Variants in RRBP1 observed in about 807,000 individuals in gnomAD.
The protein encoded by RRBP1 is ribosome-binding protein 1.
Under a neutral mutation model 165.2 loss-of-function variants are expected in RRBP1, and 94 were observed. That is an observed-to-expected ratio of 0.57 (90% CI 0.48 to 0.68). RRBP1 has a LOEUF of 0.68. Ranked by LOEUF, RRBP1 falls within the 30% of genes least tolerant of loss-of-function variation. RRBP1 has a pLI of 0.00. For synonymous variants in RRBP1, 680 were observed against 714.5 expected (o/e 0.95, Z 0.77); for missense variants, 1,676 against 1,763.0 (o/e 0.95, Z 0.88).
intron 3 of RRBP1, among the ~76,000 whole-genome samples, chr20:17,650,404 T>C (rs1386152527): frequency 6.6e-6 from 1 of 152,142 alleles, no homozygotes; most frequent in Non-Finnish European, 1.5e-5. Flanking sequence ...AAAACTGGCT[T>C]GCATCAGCAG....
intron 2 of RRBP1, among the ~76,000 whole-genome samples, chr20:17,677,263 T>G (rs984135018): frequency 2.0e-5 from 3 of 152,134 alleles, no homozygotes; most frequent in African/African-American, 7.2e-5. Flanking sequence ...TTGCCCAGGA[T>G]AGAGAATTAA....
In RRBP1 at chr20:17,643,802, G is replaced by A. The variant is rs1600753452; in HGVS notation, c.1913-675C>T. Among the ~76,000 whole-genome samples the A allele has an allele frequency of 6.6e-6, 1 of 152,218 alleles. No homozygotes were observed. Among genetic ancestry groups the A allele is most frequent in the East Asian group, 1.9e-4 (1 of 5,194 alleles). On this transcript the variant is annotated intron_variant, in intron 3 of 24. Transcript: ENST00000377813. The surrounding 1 kb of genome is among the most constrained non-coding windows in gnomAD (Gnocchi z 4.3). The stretch of plus-strand genomic sequence containing the variant: ...GCCAGTCCATGAGTGACTGCCTGGA[G>A]GACAGGGAGCCATCTGCCAACAAAC...
intron 2 of RRBP1, among the ~76,000 whole-genome samples, chr20:17,662,848 G>A (rs1192697237): frequency 6.6e-6 from 1 of 152,012 alleles, no homozygotes; most frequent in African/African-American, 2.4e-5. Context: ...TCAGAACTCT[G>A]CCAAAATGGA....
Position 17,660,084 on chromosome 20 carries a change from T to C in RRBP1, c.424A>G (p.Lys142Glu), listed in dbSNP as rs542903674. 87 of 1,613,722 alleles carry C rather than the reference T, an allele frequency of 5.4e-5. No individual in the cohort carries two copies. Among genetic ancestry groups the C allele is most frequent in the African/African-American group, 9.3e-5 (7 of 75,018 alleles). Residue 142 changes from lysine (K) to glutamate (E), a missense_variant, in exon 3 of 25, where the codon AAG becomes GAG. By Grantham distance (56) the Lys-to-Glu change is moderately conservative. Coordinates refer to ENST00000377813, the MANE Select transcript of RRBP1 (RefSeq NM_001365613.2). ...TCCACTTTTGCCACTTTTTTCTCCT[T>C]CTTCTTTTTGTCCTTGGGGGAGGAG... ...LASSPKDKKKKEKKVAKVEPA... is the reference protein window; with the variant it reads ...LASSPKDKKKEEKKVAKVEPA...
intron 5 of RRBP1, among the ~76,000 whole-genome samples, chr20:17,637,881 C>T (rs139819595): frequency 5.3e-5 from 8 of 152,338 alleles, no homozygotes; most frequent in Middle Eastern, 6.8e-3. Flanking sequence ...GCTGACACTG[C>T]GCCCCAGCAC....
In RRBP1 at chr20:17,635,567, G is replaced by A; in HGVS notation, c.2435C>T (p.Ala812Val). The A allele has an allele frequency of 6.2e-7, 1 of 1,611,802 alleles. No individual in the cohort carries two copies. Among genetic ancestry groups the A allele is most frequent in the Non-Finnish European group, 8.5e-7 (1 of 1,179,330 alleles). ...NSILRDALNQ[A>V]TSQVESKQNA... ...TTACTTGCTCTCCACCTGGCTCGTG[G>A]CCTGGTTCAAGGCATCCCGCAGGAT... Residue 812 changes from alanine to valine, a missense_variant, in exon 7 of 25, where the codon GCC becomes GTC. Physicochemically the swap from Ala to Val is moderately conservative, Grantham distance 64 (BLOSUM62 0). Around this residue, in one of 5 missense-constraint regions of RRBP1, gnomAD observed 1,184 missense variants for 1,167.1 expected, o/e 1.01. Coordinates refer to ENST00000377813, the MANE Select transcript of RRBP1 (RefSeq NM_001365613.2).
intron 3 of RRBP1, among the ~76,000 whole-genome samples, chr20:17,647,008 G>A (rs1159664185): frequency 6.6e-6 from 1 of 152,152 alleles, no homozygotes; most frequent in African/African-American, 2.4e-5. Context: ...TGCCGCCTGA[G>A]CCCTGGCAGC....
intron 5 of RRBP1, among the ~76,000 whole-genome samples, chr20:17,640,459 C>G (rs1297044034): frequency 6.6e-6 from 1 of 152,040 alleles, no homozygotes; most frequent in Non-Finnish European, 1.5e-5. Context: ...GAGCTGGGGC[C>G]TGGGGGGCAG....
Position 17,624,645 on chromosome 20 carries a change from CTT to C in RRBP1, c.3076_3077del (p.Lys1026GlyfsTer34). Reference sequence around the variant, plus strand: ...CGGCCGTGGCCAGTGCCTCCATGGCCTTCCAGTTCTTCTCCCGGAGGTCCTGG... The same window carrying C: ...CGGCCGTGGCCAGTGCCTCCATGGCCCCAGTTCTTCTCCCGGAGGTCCTGG... The part of the protein sequence containing the change: ...KNNDLREKNW[K>X]AMEALATAEQ... On this transcript the variant is annotated frameshift_variant, in exon 13 of 25. Coordinates refer to ENST00000377813, the MANE Select transcript of RRBP1 (RefSeq NM_001365613.2). LOFTEE classifies it high-confidence loss of function. 6.3e-7 allele frequency: 1 copy of C among 1,586,854 alleles called. No individual in the cohort carries two copies. Among genetic ancestry groups the C allele is most frequent in the Non-Finnish European group, 8.6e-7 (1 of 1,167,148 alleles).
chr20:17,661,201 C>A (rs957378250), intron 2 of RRBP1, among the ~76,000 whole-genome samples: 1 of 152,200 alleles, frequency 6.6e-6, no homozygotes, highest in Admixed American at 6.5e-5. Flanking sequence ...CCAATAAATG[C>A]TGCTACCCAG....
intron 2 of RRBP1, among the ~76,000 whole-genome samples, chr20:17,678,999 G>A (rs2122522801): frequency 6.6e-6 from 1 of 152,244 alleles, no homozygotes; most frequent in Admixed American, 6.5e-5. Flanking sequence ...TCCTCCCTTG[G>A]GTAATTATTG....
At chr20:17,627,280 C>G (rs2036044273) in intron 11 of RRBP1, 68 bp downstream of exon 11, 10 of 1,543,236 alleles carry the variant, frequency 6.5e-6, no homozygotes, top group African/African-American at 1.4e-5. Flanking sequence ...AAAACCCTGG[C>G]CCCCCAAGGG....
chr20:17,635,485 G>T, intron 7 of RRBP1, 61 bp downstream of exon 7: 2 of 1,301,212 alleles, frequency 1.5e-6, no homozygotes, highest in Non-Finnish European at 2.2e-6. Context: ...CCGCAGCCTC[G>T]TGAAGCCTTC....
intron 3 of RRBP1, among the ~76,000 whole-genome samples, chr20:17,651,002 C>T (rs2036546643): frequency 6.6e-6 from 1 of 152,228 alleles, no homozygotes; most frequent in Non-Finnish European, 1.5e-5. Context: ...GAGAACAAAC[C>T]AGCTAAAGCC....
chr20:17,617,034 C>T (rs1408699442), intron 20 of RRBP1, among the ~76,000 whole-genome samples, 195 bp from the exon 21 acceptor site: 1 of 152,204 alleles, frequency 6.6e-6, no homozygotes, highest in Non-Finnish European at 1.5e-5. Flanking sequence ...GCCACCAAGC[C>T]TCTGGGCTAA....
intron 22 of RRBP1, 48 bp from the exon 23 acceptor site, chr20:17,615,577 C>T: frequency 6.7e-7 from 1 of 1,495,908 alleles, no homozygotes; most frequent in Non-Finnish European, 9.0e-7. Context: ...TTATAAACGG[C>T]TGTGCTGTCA....
intron 5 of RRBP1, among the ~76,000 whole-genome samples, chr20:17,641,114 C>A (rs1275172369): frequency 3.3e-5 from 5 of 152,206 alleles, no homozygotes; most frequent in Non-Finnish European, 5.9e-5. Context: ...CAGGGCCCAC[C>A]CTCAGCAGCA....
At chr20:17,635,929 G>A (rs1217253409) in intron 6 of RRBP1, among the ~76,000 whole-genome samples, 4 of 152,178 alleles carry the variant, frequency 2.6e-5, no homozygotes, top group South Asian at 4.1e-4. Context: ...ACTCAGCCCA[G>A]GGTCTCTGAC....
At position 17,635,436 on chromosome 20, in the gene RRBP1, T is replaced by C. The variant is rs1286888885; in HGVS notation, c.2456+110A>G. On this transcript the variant is annotated intron_variant, in intron 7 of 24. Transcript: ENST00000377813. ...GAAGGTCAGGACGGCTCCGCACACA[T>C]GTAGGGCCCATGCCTGGCTCTTGTG... 5.1e-6 allele frequency: 4 copies of C among 785,298 alleles called. No homozygotes were observed. The African/African-American group carries it at 5.2e-5, about 10-fold the overall frequency. 48.6% of individuals were successfully genotyped at this position (785,298 alleles called of 1,614,324 possible).
Sources: gnomAD v4.1 joint callset for allele counts (sites outside exome capture counted in the v4.1 genomes callset) on GRCh38, gnomAD v4.1.1 for gene constraint, gnomAD v4.1.1 regional missense constraint, Gnocchi (gnomAD v3.1) non-coding constraint, MANE v1.5 for transcripts, NCBI Gene and HGNC (gene_info 2026-07-23, HGNC 2026-07-21) for gene names.